Variants in SECISBP2L observed in about 807,000 individuals in gnomAD.
The protein encoded by SECISBP2L is SECIS binding protein 2 like, also known as selenocysteine insertion sequence-binding protein 2-like.
A neutral mutation model predicts 114.7 loss-of-function variants in SECISBP2L; 43 were observed. That is an observed-to-expected ratio of 0.38 (90% CI 0.29 to 0.48). The LOEUF (loss-of-function observed/expected upper bound fraction) is 0.48, where lower values mean the gene tolerates loss of function less well. Among genes scored for constraint, SECISBP2L ranks in the 20% least tolerant of loss-of-function variants. The probability of loss-of-function intolerance (pLI) is 0.98; values close to 1 mark genes in which losing one functional copy is unlikely to be tolerated. For synonymous variants in SECISBP2L, 451 were observed against 439.7 expected (o/e 1.03, Z -0.32); for missense variants, 1,136 against 1,301.1 (o/e 0.87, Z 1.95).
chr15:49,010,861 G>A (rs1902423859), intron 13 of SECISBP2L, among the ~76,000 whole-genome samples: 1 of 152,140 alleles, frequency 6.6e-6, no homozygotes, highest in Admixed American at 6.5e-5. Context: ...TTCAACAGCA[G>A]GACCTGTCTA....
rs1022791241 is a variant in SECISBP2L at position 49,045,376 on chromosome 15, C to T, written c.24+900G>A. Among the ~76,000 whole-genome samples, 2 of 152,268 alleles carry T rather than the reference C, an allele frequency of 1.3e-5. 1 individual carries two copies. The highest frequency in any genetic ancestry group is 4.8e-5 in the African/African-American group (2 of 41,564). The stretch of plus-strand genomic sequence containing the variant: ...AAATTAATAGGCAGAAATTACTAGC[C>T]TCTCTTCTTCCGTCATCTAGTCATC... On this transcript the variant is annotated intron_variant, in intron 1 of 17. Coordinates refer to ENST00000559471, the MANE Select transcript of SECISBP2L (RefSeq NM_001193489.2).
chr15:49,046,423 C>T lies in SECISBP2L; in HGVS notation c.-124G>A, dbSNP rs1903253971. ...ACCTCCGCCCCTATCTGGCTGGCCG[C>T]GACACCGATTCGGCTACGCCACTGG... is the stretch of plus-strand genomic sequence containing the variant. On this transcript the variant is annotated 5_prime_UTR_variant, in exon 1 of 18. Coordinates refer to ENST00000559471, the MANE Select transcript of SECISBP2L (RefSeq NM_001193489.2). The T allele has an allele frequency of 1.8e-6, 2 of 1,085,900 alleles. No individual in the cohort carries two copies. The highest frequency in any genetic ancestry group is 2.0e-5 in the South Asian group (1 of 49,634). The allele number at this position is 1,085,900 out of a possible 1,614,324, so 67.3% of individuals were successfully genotyped here.
intron 1 of SECISBP2L, among the ~76,000 whole-genome samples, chr15:49,039,529 CTT>C (rs1207046596): frequency 7.4e-5 from 10 of 135,500 alleles, no homozygotes; most frequent in Admixed American, 1.5e-4. Context: ...TTTTTTCTTT[CTT>C]TTTTTTTTTT....
chr15:49,028,435 C>A lies in SECISBP2L; in HGVS notation c.894+18G>T. Reference sequence around the variant, plus strand: ...TGATATCAATGACCAATAAAGAAATCAAGACGATGTCACATACATTCATGG... The same window carrying A: ...TGATATCAATGACCAATAAAGAAATAAAGACGATGTCACATACATTCATGG... On this transcript the variant is annotated intron_variant, in intron 5 of 17. Transcript: ENST00000559471. The A allele has an allele frequency of 1.4e-5, 23 of 1,608,702 alleles. No homozygotes were observed. The highest frequency in any genetic ancestry group is 2.0e-5 in the Non-Finnish European group (23 of 1,175,138).
intron 14 of SECISBP2L, among the ~76,000 whole-genome samples, chr15:49,002,880 GTGTAA>G (rs1277452367): frequency 6.6e-6 from 1 of 152,152 alleles, no homozygotes; most frequent in Non-Finnish European, 1.5e-5. Context: ...AAGTCAGGTA[GTGTAA>G]TGCCTCCAGC....
chr15:49,009,075 T>C, intron 14 of SECISBP2L, 141 bp downstream of exon 14: 2 of 817,328 alleles, frequency 2.4e-6, no homozygotes, highest in South Asian at 1.8e-5. Context: ...TAAACCCAGC[T>C]GTTAAACAAA....
rs12594301 is a variant in SECISBP2L at position 49,008,884 on chromosome 15, A to G, written c.2027+332T>C. ...AGTGATCTTTTGAAGGGCCAATAAT[A>G]TAAACAAAAAAGCAAAAGCATTTGT... On this transcript the variant is annotated intron_variant, in intron 14 of 17. Transcript: ENST00000559471. Among the ~76,000 whole-genome samples, 147 of 152,358 alleles carry G rather than the reference A, an allele frequency of 9.6e-4. No individual in the cohort carries two copies. The East Asian group carries it at 0.025, about 26-fold the overall frequency.
intron 7 of SECISBP2L, 84 bp downstream of exon 7, chr15:49,027,281 A>C (rs539611294): frequency 1.1e-6 from 1 of 878,338 alleles, no homozygotes; most frequent in Non-Finnish European, 1.8e-6. Flanking sequence ...CTCCATGTGC[A>C]TATCCACTAC....
At chr15:49,009,084 A>G (rs1474480841) in intron 14 of SECISBP2L, 132 bp downstream of exon 14, 21 of 945,838 alleles carry the variant, frequency 2.2e-5, no homozygotes, top group Non-Finnish European at 3.3e-5. Context: ...CTGTTAAACA[A>G]AATCCGAAAG....
At position 49,035,776 on chromosome 15, in the gene SECISBP2L, T is replaced by G. The variant is rs570055783; in HGVS notation, c.204-118A>C. ...AACAGAACAGTGGCTTCATGATAAT[T>G]TTGGGAAAGGAGACAAAACTATCAT... is the stretch of plus-strand genomic sequence containing the variant. On this transcript the variant is annotated intron_variant, in intron 2 of 17. Transcript: ENST00000559471. 3.1e-3 allele frequency: 2,956 copies of G among 955,164 alleles called. 10 individuals carry two copies. The highest frequency in any genetic ancestry group is 4.0e-3 in the South Asian group (230 of 57,818). 59.2% of individuals were successfully genotyped at this position (955,164 alleles called of 1,614,324 possible). A position where few individuals can be genotyped will look rare whatever the true frequency, so the allele number is the denominator to read the frequency against.
intron 11 of SECISBP2L, chr15:49,013,083 TG>T (rs1902469567): frequency 9.9e-6 from 3 of 304,338 alleles, no homozygotes; most frequent in Non-Finnish European, 1.8e-5. Flanking sequence ...CCCTCAAACA[TG>T]GCAATTCCTT....
At position 48,990,039 on chromosome 15, in the gene SECISBP2L, C is replaced by CA. The variant is rs1404396000; in HGVS notation, c.*2204dup. On this transcript the variant is annotated 3_prime_UTR_variant, in exon 18 of 18. Coordinates refer to ENST00000559471, the MANE Select transcript of SECISBP2L (RefSeq NM_001193489.2). ...GGATTTGCTGGCAGAAGAGGTACTG[C>CA]ATATGCGAGAGCATTTACCGAACAT... is the stretch of plus-strand genomic sequence containing the variant. 6.6e-6 allele frequency: 1 copy of CA among 152,652 alleles called. No homozygotes were observed. Among genetic ancestry groups the CA allele is most frequent in the East Asian group, 1.9e-4 (1 of 5,198 alleles). 9.5% of individuals were successfully genotyped at this position (152,652 alleles called of 1,614,324 possible).
At chr15:49,042,747 T>C (rs1457192988) in intron 1 of SECISBP2L, 1 of 152,224 alleles carries the variant, frequency 6.6e-6, no homozygotes, top group African/African-American at 2.4e-5. Context: ...AAATGTCTTT[T>C]TGGCCAGGTG....
At chr15:48,996,994 T>G (rs562723131) in intron 16 of SECISBP2L, among the ~76,000 whole-genome samples, 1 of 152,274 alleles carries the variant, frequency 6.6e-6, no homozygotes, top group South Asian at 2.1e-4. Flanking sequence ...CATAACACCT[T>G]ACATGCCTTG....
chr15:48,991,985 T>C lies in SECISBP2L; in HGVS notation c.*259A>G, dbSNP rs1251661960. On this transcript the variant is annotated 3_prime_UTR_variant, in exon 18 of 18. Transcript: ENST00000559471. ...TTTGAAATTTATTTTCTTTAAGATC[T>C]GGTCTTCTTTTTATCACTGTTTTTG... 6 of 349,618 alleles carry C rather than the reference T, an allele frequency of 1.7e-5. No homozygotes were observed. Among genetic ancestry groups the C allele is most frequent in the Non-Finnish European group, 3.1e-5 (6 of 194,242 alleles). The allele number at this position is 349,618 out of a possible 1,614,324, so 21.7% of individuals were successfully genotyped here. A position where few individuals can be genotyped will look rare whatever the true frequency, so the allele number is the denominator to read the frequency against.
intron 13 of SECISBP2L, among the ~76,000 whole-genome samples, chr15:49,009,855 G>A (rs1902401555): frequency 6.6e-6 from 1 of 152,142 alleles, no homozygotes; most frequent in Non-Finnish European, 1.5e-5. Flanking sequence ...TCTTAGGCCG[G>A]GCATGGTGGC....
chr15:49,033,185 A>G, intron 3 of SECISBP2L, 85 bp from the exon 4 acceptor site: 1 of 1,408,496 alleles, frequency 7.1e-7, no homozygotes, highest in East Asian at 2.4e-5. Flanking sequence ...TAAAATAAAC[A>G]TTATAAAATA....
At chr15:49,034,922 C>T (rs1412506803) in intron 3 of SECISBP2L, among the ~76,000 whole-genome samples, 1 of 152,066 alleles carries the variant, frequency 6.6e-6, no homozygotes, top group Admixed American at 6.6e-5. Flanking sequence ...CTCGGCCTCC[C>T]AAAGTGCTGG....
At chr15:49,003,658 A>C (rs1477864708) in intron 14 of SECISBP2L, among the ~76,000 whole-genome samples, 3 of 152,174 alleles carry the variant, frequency 2.0e-5, no homozygotes, top group African/African-American at 7.2e-5. Flanking sequence ...AGGGCTGTTG[A>C]ATTTTATCGA....
Sources: allele counts gnomAD v4.1 joint callset (sites outside exome capture counted in the v4.1 genomes callset), GRCh38; gene constraint gnomAD v4.1.1; transcripts MANE v1.5; gene names NCBI Gene and HGNC (gene_info 2026-07-23, HGNC 2026-07-21).